The following CMSS1 variants were observed in gnomAD, a reference collection of about 807,000 sequenced individuals.
The protein encoded by CMSS1 is cms1 ribosomal small subunit homolog.
CMSS1 carries 33 observed loss-of-function variants against 43.5 expected under a neutral mutation model. The ratio of observed to expected loss-of-function variants is 0.76; its 90% CI spans 0.57 to 1.01. The LOEUF (loss-of-function observed/expected upper bound fraction) is 1.01, where lower values mean the gene tolerates loss of function less well. Among genes scored for constraint, CMSS1 ranks in the 50% least tolerant of loss-of-function variants. The pLI, the probability that CMSS1 is intolerant of heterozygous loss-of-function variation, is 0.00. For synonymous variants in CMSS1, 115 were observed against 117.2 expected, an observed-to-expected ratio of 0.98 and a Z score of 0.12; for missense variants, 313 against 326.4, an observed-to-expected ratio of 0.96 and a Z score of 0.32.
At chr3:100,051,177 A>G (rs933058510) in intron 1 of CMSS1, 2 of 152,120 alleles carry the variant, frequency 1.3e-5, no homozygotes, top group African/African-American at 4.8e-5. Context: ...ATGGATCACA[A>G]TTCTTCTCTG....
chr3:100,116,144 T>A (rs2066567037), intron 1 of CMSS1, among the ~76,000 whole-genome samples: 1 of 152,228 alleles, frequency 6.6e-6, no homozygotes, highest in Non-Finnish European at 1.5e-5. Flanking sequence ...ACCCACTTGC[T>A]TAAGGTGGTA....
intron 1 of CMSS1, among the ~76,000 whole-genome samples, chr3:99,927,661 G>T (rs979129091): frequency 2.0e-5 from 3 of 152,146 alleles, no homozygotes; most frequent in African/African-American, 4.8e-5. Flanking sequence ...GAGCCACTGC[G>T]CCCGGCCCAT....
At chr3:99,945,662 C>A (rs1226340470) in intron 1 of CMSS1, among the ~76,000 whole-genome samples, 1 of 152,164 alleles carries the variant, frequency 6.6e-6, no homozygotes, top group Admixed American at 6.5e-5. Flanking sequence ...AGGTAGAGAG[C>A]CTGCCAAGTC....
At position 99,983,389 on chromosome 3, in the gene CMSS1, A is replaced by AATAAATAT. The variant is rs1302972402; in HGVS notation, c.65-163581_65-163580insAATATATA. ...TCTCTACTTAAAAAATAAATAAATA[A>AATAAATAT]ATATATATATATATATATATATATA... On this transcript the variant is annotated intron_variant, in intron 1 of 9. Transcript: ENST00000421999. Among the ~76,000 whole-genome samples the AATAAATAT allele has an allele frequency of 2.2e-4, 9 of 40,792 alleles. 1 individual carries two copies. Among genetic ancestry groups the AATAAATAT allele is most frequent in the African/African-American group, 9.2e-4 (9 of 9,792 alleles). 26.8% of individuals were successfully genotyped at this position (40,792 alleles called of 152,430 possible).
At chr3:99,919,601 G>A (rs760572805) in intron 1 of CMSS1, among the ~76,000 whole-genome samples, 53 of 151,912 alleles carry the variant, frequency 3.5e-4, no homozygotes, top group African/African-American at 5.1e-4. Context: ...CCTCTAGAAA[G>A]AAAATTTGAT....
intron 1 of CMSS1, chr3:99,924,187 A>G: frequency 6.4e-7 from 1 of 1,558,288 alleles, no homozygotes; most frequent in South Asian, 1.2e-5. Flanking sequence ...TGGCCAGCTC[A>G]TAGATTGCAG....
At chr3:100,141,348 T>C (rs1407403509) in intron 1 of CMSS1, among the ~76,000 whole-genome samples, 1 of 152,204 alleles carries the variant, frequency 6.6e-6, no homozygotes, top group African/African-American at 2.4e-5. Context: ...GCAACTAGCT[T>C]CCTCTAAATG....
At chr3:100,042,321 A>G (rs993722093) in intron 1 of CMSS1, among the ~76,000 whole-genome samples, 1 of 152,178 alleles carries the variant, frequency 6.6e-6, no homozygotes, top group Non-Finnish European at 1.5e-5. Flanking sequence ...TATTCTAATA[A>G]GAAGACCAGC....
At chr3:100,147,433 C>T (rs1160481284) in intron 2 of CMSS1, among the ~76,000 whole-genome samples, 2 of 151,646 alleles carry the variant, frequency 1.3e-5, no homozygotes, top group African/African-American at 4.8e-5. Flanking sequence ...CCACCACACC[C>T]AGCTAATTTT....
chr3:99,929,411 C>G (rs925306799), intron 1 of CMSS1, among the ~76,000 whole-genome samples: 2 of 152,122 alleles, frequency 1.3e-5, no homozygotes, highest in African/African-American at 2.4e-5. Flanking sequence ...CATTCATGTT[C>G]AAAATTTCTA....
chr3:100,090,644 G>A (rs760493955), intron 1 of CMSS1, among the ~76,000 whole-genome samples: 1 of 152,132 alleles, frequency 6.6e-6, no homozygotes, highest in Non-Finnish European at 1.5e-5. Context: ...GTTCTCTGTA[G>A]CATTTCCCAT....
chr3:99,884,826 T>TAC (rs1705841530), intron 1 of CMSS1, among the ~76,000 whole-genome samples: 3 of 152,230 alleles, frequency 2.0e-5, no homozygotes, highest in Non-Finnish European at 1.5e-5. Flanking sequence ...TTTACAGGTA[T>TAC]AGATTTTGGT....
intron 1 of CMSS1, chr3:99,930,998 G>C (rs1707465147): frequency 1.2e-6 from 2 of 1,613,700 alleles, no homozygotes; most frequent in African/African-American, 1.3e-5. Context: ...TGAGCCCTCG[G>C]TATCACTGCC....
intron 1 of CMSS1, among the ~76,000 whole-genome samples, chr3:99,994,448 A>C (rs1709613538): frequency 6.6e-6 from 1 of 152,210 alleles, no homozygotes; most frequent in Admixed American, 6.5e-5. Context: ...TTCATCAGCA[A>C]ATAGAAAATT....
intron 1 of CMSS1, chr3:99,851,077 A>C: frequency 6.4e-7 from 1 of 1,564,320 alleles, no homozygotes; most frequent in Non-Finnish European, 8.6e-7. Context: ...TAATCTGAAA[A>C]ATGTAAAGTG....
At chr3:99,854,870 G>C (rs1559661113) in intron 1 of CMSS1, among the ~76,000 whole-genome samples, 1 of 152,178 alleles carries the variant, frequency 6.6e-6, no homozygotes, top group Admixed American at 6.5e-5. Flanking sequence ...TATCTTCCCT[G>C]CTAGTGGCCT....
intron 1 of CMSS1, among the ~76,000 whole-genome samples, chr3:99,960,485 C>G (rs1218758602): frequency 1.3e-5 from 2 of 152,184 alleles, no homozygotes; most frequent in South Asian, 2.1e-4. Context: ...CTAGTAGAAG[C>G]AACATTCTGA....
At chr3:100,025,133 A>G (rs1029827039) in intron 1 of CMSS1, among the ~76,000 whole-genome samples, 3 of 152,152 alleles carry the variant, frequency 2.0e-5, no homozygotes, top group Non-Finnish European at 2.9e-5. Flanking sequence ...AGATTTCCCA[A>G]TTCTGTCAAT....
chr3:99,956,886 C>T (rs898459095), intron 1 of CMSS1, among the ~76,000 whole-genome samples: 3 of 152,146 alleles, frequency 2.0e-5, no homozygotes, highest in Non-Finnish European at 4.4e-5. Context: ...ATTTCCCACC[C>T]CCGACTTACA....
Sources: gnomAD v4.1 joint callset for allele counts (sites outside exome capture counted in the v4.1 genomes callset) on GRCh38, gnomAD v4.1.1 for gene constraint, MANE v1.5 for transcripts, NCBI Gene and HGNC (gene_info 2026-07-23, HGNC 2026-07-21) for gene names.